Variants in PCCA observed in about 807,000 individuals in gnomAD.
PCCA encodes propionyl-CoA carboxylase alpha chain, mitochondrial.
A neutral mutation model predicts 101.3 loss-of-function variants in PCCA; 74 were observed. That is an observed-to-expected ratio of 0.73 (90% CI 0.61 to 0.89). The LOEUF (loss-of-function observed/expected upper bound fraction) is 0.89. PCCA is among the 40% of genes least tolerant of loss of function. The pLI is 0.00. For missense variants in PCCA, 891 were observed against 907.0 expected, an observed-to-expected ratio of 0.98 and a Z score of 0.23; for synonymous variants, 294 against 313.6, an observed-to-expected ratio of 0.94 and a Z score of 0.66.
At chr13:100,232,786 T>A (rs2060572073) in intron 7 of PCCA, among the ~76,000 whole-genome samples, 1 of 152,228 alleles carries the variant, frequency 6.6e-6, no homozygotes, top group African/African-American at 2.4e-5. Context: ...CTGAGTACTC[T>A]GTTTCTATGT....
intron 2 of PCCA, chr13:100,104,444 C>T (rs9585348): frequency 0.45 from 67,999 of 151,848 alleles, 15,960 homozygotes; most frequent in East Asian, 0.7. Flanking sequence ...TTTCTCATGA[C>T]AGTGAGTTGG....
chr13:100,377,221 C>T (rs1023843851), intron 19 of PCCA, among the ~76,000 whole-genome samples: 1 of 152,184 alleles, frequency 6.6e-6, no homozygotes, highest in African/African-American at 2.4e-5. Context: ...GTGCTGATCT[C>T]GCGGGGAGCT....
chr13:100,498,033 C>A (rs866650447), intron 21 of PCCA, among the ~76,000 whole-genome samples: 3 of 151,908 alleles, frequency 2.0e-5, no homozygotes, highest in African/African-American at 7.3e-5. Flanking sequence ...CTACACCTGG[C>A]TAACCTGTTT....
chr13:100,274,119 C>G (rs2063486289), intron 12 of PCCA, among the ~76,000 whole-genome samples: 1 of 152,208 alleles, frequency 6.6e-6, no homozygotes, highest in Admixed American at 6.5e-5. Context: ...GATTCCCCCT[C>G]CATCTTCCCT....
rs138777596 is a variant in PCCA, at chr13:100,396,439, A to G, written c.1746+27865A>G. ...CCCAGAAATGATTTCTCTTCCCTCT[A>G]AAACACGGATATTTTGCTTTTTAAA... On this transcript the variant is annotated intron_variant, in intron 19 of 23. Transcript: ENST00000376285. Among the ~76,000 whole-genome samples the G allele has an allele frequency of 6.7e-3, 1,021 of 152,320 alleles. 13 individuals are homozygous for G. Among genetic ancestry groups the G allele is most frequent in the African/African-American group, 0.023 (955 of 41,572 alleles).
At position 100,209,430 on chromosome 13, in the gene PCCA, T is replaced by G; in HGVS notation, c.567T>G (p.Val189=). 2 of 1,613,598 alleles carry G rather than the reference T, an allele frequency of 1.2e-6. No homozygotes were observed. The highest frequency in any genetic ancestry group is 1.7e-6 in the Non-Finnish European group (2 of 1,179,524). The change falls in exon 7 of 24, where the codon GTT becomes GTG. Residue 189 remains valine (V), a synonymous_variant. Coordinates refer to ENST00000376285, the MANE Select transcript of PCCA (RefSeq NM_000282.4). ...ESKLLAKKAE[V]NTIPGFDGVV... ...AATTATTAGCTAAGAAAGCAGAGGT[T>G]AATACAATCCCTGGCTTTGATGGAG...
intron 6 of PCCA, among the ~76,000 whole-genome samples, chr13:100,187,289 G>GT (rs1382584269): frequency 1.3e-5 from 2 of 152,206 alleles, no homozygotes; most frequent in African/African-American, 4.8e-5. Flanking sequence ...GATAATCACT[G>GT]TAAGAACGAA....
intron 7 of PCCA, among the ~76,000 whole-genome samples, chr13:100,226,340 C>T (rs749272748): frequency 4.6e-5 from 7 of 152,148 alleles, no homozygotes; most frequent in Non-Finnish European, 1.0e-4. Flanking sequence ...CTAGAACCAG[C>T]TGTAAACTCC....
chr13:100,452,432 G>A (rs1004458446), intron 21 of PCCA, among the ~76,000 whole-genome samples: 9 of 152,116 alleles, frequency 5.9e-5, no homozygotes, highest in Admixed American at 1.3e-4. Flanking sequence ...TGGCCTTGTT[G>A]CTCTTCTTCA....
At chr13:100,526,540 T>C (rs963346070) in intron 22 of PCCA, among the ~76,000 whole-genome samples, 1 of 152,212 alleles carries the variant, frequency 6.6e-6, no homozygotes, top group African/African-American at 2.4e-5. Context: ...GGAGATCATC[T>C]GGGGATTTCA....
At chr13:100,243,322 T>C (rs576352543) in intron 8 of PCCA, among the ~76,000 whole-genome samples, 12 of 152,350 alleles carry the variant, frequency 7.9e-5, no homozygotes, top group African/African-American at 2.9e-4. Context: ...GAAATATGTA[T>C]ATATATGTAT....
At chr13:100,503,879 G>T (rs1259708881) in intron 21 of PCCA, among the ~76,000 whole-genome samples, 1 of 152,224 alleles carries the variant, frequency 6.6e-6, no homozygotes, top group East Asian at 1.9e-4. Flanking sequence ...CTGCACTCCA[G>T]CCTGAGTGAC....
chr13:100,279,124 T>C (rs1352717223), intron 12 of PCCA, among the ~76,000 whole-genome samples: 1 of 152,218 alleles, frequency 6.6e-6, no homozygotes, highest in East Asian at 1.9e-4. Flanking sequence ...CCAAGGTCTC[T>C]GACTGATTAG....
intron 1 of PCCA, among the ~76,000 whole-genome samples, chr13:100,102,616 G>A (rs546913075): frequency 1.7e-3 from 252 of 152,264 alleles, no homozygotes; most frequent in African/African-American, 5.8e-3. Flanking sequence ...TGATCAGAAA[G>A]GCTTTCTTCA....
At chr13:100,307,565 GT>G (rs1254013758) in intron 15 of PCCA, among the ~76,000 whole-genome samples, 1 of 151,916 alleles carries the variant, frequency 6.6e-6, no homozygotes, top group Non-Finnish European at 1.5e-5. Context: ...AGGAATTAAG[GT>G]TTTTTTTGGC....
chr13:100,229,923 A>G lies in PCCA; in HGVS notation c.601-5919A>G, dbSNP rs368388292. On this transcript the variant is annotated intron_variant, in intron 7 of 23. Transcript: ENST00000376285. ...GTCTGGTTCTGAGTCCCTGCCCTGA[A>G]CCCCTGCCTTTGGATGTCAGTTAAC... Among the ~76,000 whole-genome samples, 14 of 152,124 alleles carry G rather than the reference A, an allele frequency of 9.2e-5. No homozygotes were observed. In the South Asian group the frequency reaches 2.9e-3, roughly 32 times the overall value.
chr13:100,356,305 TGAA>T (rs138069538), intron 18 of PCCA, among the ~76,000 whole-genome samples: 2,712 of 152,168 alleles, frequency 0.018, 100 homozygotes, highest in African/African-American at 0.062. Context: ...AAGGACATGA[TGAA>T]GAAAGTGAAA....
chr13:100,093,375 C>T (rs751702687), intron 1 of PCCA, among the ~76,000 whole-genome samples: 2 of 152,084 alleles, frequency 1.3e-5, no homozygotes, highest in Non-Finnish European at 2.9e-5. Context: ...GAAGAAGAGA[C>T]AAGAGGAGTT....
intron 11 of PCCA, 21 bp downstream of exon 11, chr13:100,268,804 T>A (rs773104458): frequency 6.6e-7 from 1 of 1,518,614 alleles, no homozygotes; most frequent in Non-Finnish European, 9.1e-7. Flanking sequence ...TAAGAAACAT[T>A]TATAAAGCGG....
Sources: allele counts gnomAD v4.1 joint callset (sites outside exome capture counted in the v4.1 genomes callset), GRCh38; gene constraint gnomAD v4.1.1; transcripts MANE v1.5; gene names NCBI Gene and HGNC (gene_info 2026-07-23, HGNC 2026-07-21).